EXOC4: variants seen among roughly 807,000 people sequenced by gnomAD.
EXOC4 encodes exocyst complex component 4, also known as SEC8-like 1.
EXOC4 carries 71 observed loss-of-function variants against 107.2 expected under a neutral mutation model. The observed-to-expected ratio is 0.66, with a 90% CI of 0.55 to 0.81. The LOEUF is 0.81. Among genes scored for constraint, EXOC4 ranks in the 30% least tolerant of loss-of-function variants. The pLI, the probability that EXOC4 is intolerant of heterozygous loss-of-function variation, is 0.00. For missense variants in EXOC4, 1,108 were observed against 1,189.6 expected, an observed-to-expected ratio of 0.93 and a Z score of 1.01; for synonymous variants, 456 against 441.2, an observed-to-expected ratio of 1.03 and a Z score of -0.42.
At chr7:133,737,807 CT>C (rs1795476404) in intron 10 of EXOC4, among the ~76,000 whole-genome samples, 1 of 151,562 alleles carries the variant, frequency 6.6e-6, no homozygotes, top group East Asian at 1.9e-4. Flanking sequence ...GCCATTCAGA[CT>C]TTCAGTTAAA....
intron 12 of EXOC4, among the ~76,000 whole-genome samples, chr7:133,910,151 A>G (rs1038801668): frequency 6.6e-6 from 1 of 152,094 alleles, no homozygotes; most frequent in African/African-American, 2.4e-5. Flanking sequence ...CAAACTCCTG[A>G]CCTCAGGTGA....
intron 10 of EXOC4, among the ~76,000 whole-genome samples, chr7:133,713,139 GA>G (rs1053719138): frequency 4.6e-5 from 7 of 151,556 alleles, no homozygotes; most frequent in Admixed American, 1.3e-4. Flanking sequence ...TATTCCTGAG[GA>G]AAAAAAATAG....
intron 10 of EXOC4, among the ~76,000 whole-genome samples, chr7:133,777,578 G>C (rs542693387): frequency 6.6e-6 from 1 of 152,218 alleles, no homozygotes; most frequent in Non-Finnish European, 1.5e-5. Flanking sequence ...TTGGTGGAAT[G>C]AGGATGCACT....
At chr7:134,099,365 C>G in the EXOC4 span, among the ~76,000 whole-genome samples, 18 of 99,290 alleles carry the variant, frequency 1.8e-4, no homozygotes, top group African/African-American at 1.3e-3. Context: ...TCCCTCTCTT[C>G]TCTCCTGAAG....
chr7:133,425,195 T>C (rs781382653), intron 7 of EXOC4, among the ~76,000 whole-genome samples: 1 of 152,122 alleles, frequency 6.6e-6, no homozygotes, highest in Non-Finnish European at 1.5e-5. Context: ...GAGGACAGAA[T>C]TTAGAAGTCG....
chr7:133,583,524 C>CA (rs576106953), intron 9 of EXOC4, among the ~76,000 whole-genome samples: 7 of 152,092 alleles, frequency 4.6e-5, no homozygotes, highest in Admixed American at 6.5e-5. Context: ...AGCTGAATCT[C>CA]AGAGTACTGG....
At chr7:133,751,679 T>A (rs541094740) in intron 10 of EXOC4, among the ~76,000 whole-genome samples, 75 of 152,220 alleles carry the variant, frequency 4.9e-4, no homozygotes, top group Non-Finnish European at 7.6e-4. Context: ...CATATATAGC[T>A]CTTTTTGTCA....
At chr7:133,260,419 G>A (rs752188432) in intron 1 of EXOC4, among the ~76,000 whole-genome samples, 1 of 151,886 alleles carries the variant, frequency 6.6e-6, no homozygotes, top group African/African-American at 2.4e-5. Flanking sequence ...GATTATAGGC[G>A]TGCGCCACCA....
intron 6 of EXOC4, among the ~76,000 whole-genome samples, chr7:133,366,997 G>C (rs1428745207): frequency 6.6e-6 from 1 of 152,158 alleles, no homozygotes; most frequent in African/African-American, 2.4e-5. Context: ...AAGAGACTTG[G>C]TGATGGCTTG....
chr7:133,845,863 C>G (rs1253895183), intron 11 of EXOC4, among the ~76,000 whole-genome samples: 1 of 152,148 alleles, frequency 6.6e-6, no homozygotes, highest in Non-Finnish European at 1.5e-5. Context: ...AGCACACTCT[C>G]CTTTTTCAGG....
chr7:133,392,535 T>C (rs1796876475), intron 7 of EXOC4, among the ~76,000 whole-genome samples: 1 of 152,140 alleles, frequency 6.6e-6, no homozygotes, highest in African/African-American at 2.4e-5. Flanking sequence ...GCTGGCCTCT[T>C]TGGGAGTGAA....
intron 17 of EXOC4, among the ~76,000 whole-genome samples, chr7:134,031,338 G>A (rs748144185): frequency 1.3e-5 from 2 of 152,160 alleles, no homozygotes; most frequent in Non-Finnish European, 1.5e-5. Flanking sequence ...GCAGTGGTAG[G>A]GAATAGCAGA....
chr7:133,455,899 A>G (rs1385216197), intron 7 of EXOC4, among the ~76,000 whole-genome samples: 2 of 152,226 alleles, frequency 1.3e-5, no homozygotes, highest in African/African-American at 4.8e-5. Flanking sequence ...ATCCCAAATC[A>G]TACACCTTTA....
At chr7:133,814,121 T>C (rs1797305230) in intron 10 of EXOC4, among the ~76,000 whole-genome samples, 5 of 152,204 alleles carry the variant, frequency 3.3e-5, no homozygotes, top group Admixed American at 2.6e-4. Flanking sequence ...AAAGTCTAAT[T>C]TCTACTCCTC....
At chr7:133,820,494 G>T (rs1260707595) in intron 11 of EXOC4, among the ~76,000 whole-genome samples, 1 of 151,818 alleles carries the variant, frequency 6.6e-6, no homozygotes, top group African/African-American at 2.4e-5. Flanking sequence ...AATTGTAGGT[G>T]GCTAATCTGA....
At chr7:133,782,693 G>C (rs1455455915) in intron 10 of EXOC4, among the ~76,000 whole-genome samples, 2 of 152,284 alleles carry the variant, frequency 1.3e-5, no homozygotes, top group Non-Finnish European at 2.9e-5. Context: ...GATAAAATCT[G>C]GTTAAATGAA....
At chr7:134,072,694 T>C in the EXOC4 span, among the ~76,000 whole-genome samples, 1 of 152,220 alleles carries the variant, frequency 6.6e-6, no homozygotes, top group African/African-American at 2.4e-5. Flanking sequence ...TGCTTAAAAA[T>C]GCCCTCTGTT....
intron 9 of EXOC4, among the ~76,000 whole-genome samples, chr7:133,544,006 C>A (rs1800431808): frequency 6.6e-6 from 1 of 152,062 alleles, no homozygotes; most frequent in Non-Finnish European, 1.5e-5. Context: ...TTATTTCTTT[C>A]TGAACAAAGT....
the EXOC4 span, among the ~76,000 whole-genome samples, chr7:134,087,201 C>G: frequency 1.3e-5 from 2 of 152,112 alleles, no homozygotes; most frequent in South Asian, 2.1e-4. Flanking sequence ...ACATTTCCCC[C>G]CTCCCTTTTA....
Sources: allele counts gnomAD v4.1 joint callset (sites outside exome capture counted in the v4.1 genomes callset), GRCh38; gene constraint gnomAD v4.1.1; transcripts MANE v1.5; gene names NCBI Gene and HGNC (gene_info 2026-07-23, HGNC 2026-07-21).